SUCO: variants seen among roughly 807,000 people sequenced by gnomAD.
SUCO encodes the protein SUN domain-containing ossification factor.
A neutral mutation model predicts 148.1 loss-of-function variants in SUCO; 57 were observed. The ratio of observed to expected loss-of-function variants is 0.38; its 90% CI spans 0.31 to 0.48. The LOEUF is 0.48. Among genes scored for constraint, SUCO ranks in the 20% least tolerant of loss-of-function variants. SUCO has a pLI of 0.96. For synonymous variants in SUCO, 470 were observed against 502.7 expected (o/e 0.93, Z 0.87); for missense variants, 1,331 against 1,468.2 (o/e 0.91, Z 1.53).
chr1:172,546,211 A>G (rs1652845335), intron 1 of SUCO, among the ~76,000 whole-genome samples: 1 of 152,190 alleles, frequency 6.6e-6, no homozygotes, highest in African/African-American at 2.4e-5. Context: ...GTATTAATCT[A>G]ATTTTTACAA....
Position 172,570,096 on chromosome 1 carries a change from G to A in SUCO, c.906G>A (p.Lys302=). 1 of 1,593,632 alleles carries A rather than the reference G, an allele frequency of 6.3e-7. No homozygotes were observed. The highest frequency in any genetic ancestry group is 8.6e-7 in the Non-Finnish European group (1 of 1,168,298). The change falls in exon 8 of 24, where the codon AAG becomes AAA. Residue 302 remains lysine, a synonymous_variant. Coordinates refer to ENST00000263688, the MANE Select transcript of SUCO (RefSeq NM_014283.5). ...SSNGGSHATK[K]VQKNRNNYAS... is the part of the protein sequence containing the mutation. ...ATGGAGGTTCACATGCCACCAAAAA[G>A]GTCCAGAAAAATCGAAATAATTATG...
intron 1 of SUCO, 69 bp downstream of exon 1, chr1:172,533,566 C>G: frequency 2.1e-6 from 3 of 1,446,630 alleles, no homozygotes; most frequent in South Asian, 3.0e-5. Context: ...CCAGGTCACA[C>G]CCCCTGGTCA....
At chr1:172,603,928 G>A (rs191735503) in intron 22 of SUCO, among the ~76,000 whole-genome samples, 1 of 151,936 alleles carries the variant, frequency 6.6e-6, no homozygotes, top group Non-Finnish European at 1.5e-5. Context: ...TCATTTTGAG[G>A]TTGTTACATA....
chr1:172,570,724 A>G lies in SUCO; in HGVS notation c.1043A>G (p.Lys348Arg). 1 of 1,600,644 alleles carries G rather than the reference A, an allele frequency of 6.2e-7. No individual in the cohort carries two copies. The highest frequency in any genetic ancestry group is 8.6e-7 in the Non-Finnish European group (1 of 1,168,534). Residue 348 changes from lysine to arginine, a missense_variant, in exon 9 of 24, where the codon AAA (lysine) becomes AGA (arginine). Coordinates refer to ENST00000263688, the MANE Select transcript of SUCO (RefSeq NM_014283.5). ...TACATGTTGAATCCTTGCAGCACTA[A>G]AATTTGGTGAGTTATACACAATTTT... ...DLYMLNPCST[K>R]IWFVIELCEP...
At chr1:172,547,918 G>C (rs1224405810) in intron 1 of SUCO, among the ~76,000 whole-genome samples, 1 of 152,072 alleles carries the variant, frequency 6.6e-6, no homozygotes, top group Non-Finnish European at 1.5e-5. Context: ...CAGAGGGAGA[G>C]AGGAAGGATG....
intron 9 of SUCO, among the ~76,000 whole-genome samples, chr1:172,572,696 T>TAAAAAA (rs61248782): frequency 0.043 from 2,074 of 48,222 alleles, 2 homozygotes; most frequent in East Asian, 0.072. Context: ...GAATGATCAA[T>TAAAAAA]AAAAAAAAAA....
At chr1:172,555,575 T>C (rs372126081) in intron 3 of SUCO, among the ~76,000 whole-genome samples, 4 of 152,184 alleles carry the variant, frequency 2.6e-5, no homozygotes, top group African/African-American at 7.2e-5. Flanking sequence ...ATTCATCAAT[T>C]AGAGAAGAGG....
Position 172,602,213 on chromosome 1 carries a change from T to C in SUCO, c.3168T>C (p.Pro1056=), listed in dbSNP as rs1558214752. Residue 1056 remains proline, a synonymous_variant, in exon 21 of 24, where the codon CCT becomes CCC. Coordinates refer to ENST00000263688, the MANE Select transcript of SUCO (RefSeq NM_014283.5). ...KLPKSNQYPS[P]KRCFSSYDDM... ...CTAAAAGTAATCAGTATCCAAGCCC[T>C]AAAAGGTAATATCAGCATTATATTT... 5 of 1,602,512 alleles carry C rather than the reference T, an allele frequency of 3.1e-6. No homozygotes were observed. The East Asian group carries it at 1.1e-4, about 36-fold the overall frequency.
intron 20 of SUCO, among the ~76,000 whole-genome samples, chr1:172,600,694 AAATGTGTGTG>A: frequency 1.1e-5 from 1 of 90,682 alleles, no homozygotes; most frequent in Non-Finnish European, 2.1e-5. Flanking sequence ...GAAGAAAATT[AAATGTGTGTG>A]TGTGTGTGTG....
At chr1:172,542,747 G>C in intron 1 of SUCO, 5 of 985,380 alleles carry the variant, frequency 5.1e-6, no homozygotes, top group Non-Finnish European at 6.0e-6. Context: ...TTTTGAAAGA[G>C]AACATTGGAC....
At chr1:172,593,684 T>G (rs1266262581) in intron 19 of SUCO, among the ~76,000 whole-genome samples, 2 of 152,328 alleles carry the variant, frequency 1.3e-5, no homozygotes, top group Admixed American at 1.3e-4. Context: ...TGCCAGTATT[T>G]TATTGAGGAT....
At chr1:172,572,836 C>T (rs1052097257) in intron 9 of SUCO, among the ~76,000 whole-genome samples, 1 of 150,872 alleles carries the variant, frequency 6.6e-6, no homozygotes, top group African/African-American at 2.4e-5. Flanking sequence ...CTGGAGCATT[C>T]GTTTATCTAT....
At chr1:172,542,799 T>C (rs1410499962) in intron 1 of SUCO, 1 of 985,178 alleles carries the variant, frequency 1.0e-6, no homozygotes, top group East Asian at 1.1e-4. Flanking sequence ...ATAGTAAAGC[T>C]CTGAAAGAAA....
chr1:172,596,722 C>T (rs1419519221), intron 19 of SUCO, among the ~76,000 whole-genome samples: 1 of 152,222 alleles, frequency 6.6e-6, no homozygotes, highest in East Asian at 1.9e-4. Context: ...CCCAGTTAGG[C>T]TACACGGGGG....
intron 22 of SUCO, 88 bp downstream of exon 22, chr1:172,602,875 ATCTGC>A: frequency 2.7e-6 from 3 of 1,129,062 alleles, no homozygotes; most frequent in Admixed American, 4.0e-5. Context: ...GTTCATGACC[ATCTGC>A]AACAAAAAAT....
chr1:172,532,665 A>G, upstream of SUCO: 1 of 1,614,050 alleles, frequency 6.2e-7, no homozygotes, highest in Non-Finnish European at 8.5e-7. Flanking sequence ...TCTCGTGGTG[A>G]GCAGCGAAAC....
intron 1 of SUCO, among the ~76,000 whole-genome samples, chr1:172,539,406 A>C (rs1257989448): frequency 6.6e-6 from 1 of 152,218 alleles, no homozygotes; most frequent in Non-Finnish European, 1.5e-5. Context: ...CAAATTGTAC[A>C]TGTCACAAGG....
chr1:172,534,202 T>C lies in SUCO; in HGVS notation c.62+705T>C, dbSNP rs533763568. ...GAGTGCTTTGTCCCTAAAGCACTCCTTAAGTTTTACGGAGTTTCTGTTAAT... is the reference window on the plus strand; with the variant it reads ...GAGTGCTTTGTCCCTAAAGCACTCCCTAAGTTTTACGGAGTTTCTGTTAAT... On this transcript the variant is annotated intron_variant, in intron 1 of 23. Coordinates refer to ENST00000263688, the MANE Select transcript of SUCO (RefSeq NM_014283.5). Among the ~76,000 whole-genome samples the C allele has an allele frequency of 3.9e-5, 6 of 152,250 alleles. No homozygotes were observed. In the South Asian group the frequency reaches 1.2e-3, roughly 32 times the overall value.
chr1:172,561,124 G>GTT (rs1339582155), intron 6 of SUCO, among the ~76,000 whole-genome samples: 2 of 152,200 alleles, frequency 1.3e-5, no homozygotes, highest in African/African-American at 4.8e-5. Context: ...CTGCAGCATT[G>GTT]GTATCTTGGC....
Sources: allele counts gnomAD v4.1 joint callset (sites outside exome capture counted in the v4.1 genomes callset), GRCh38; gene constraint gnomAD v4.1.1; transcripts MANE v1.5; gene names NCBI Gene and HGNC (gene_info 2026-07-23, HGNC 2026-07-21).